SLC6A16: variants seen among roughly 807,000 people sequenced by gnomAD.
SLC6A16 encodes the protein solute carrier family 6 member 16, also known as orphan sodium- and chloride-dependent neurotransmitter transporter NTT5.
A neutral mutation model predicts 65.4 loss-of-function variants in SLC6A16; 54 were observed. The observed-to-expected ratio is 0.83, with a 90% confidence interval of 0.66 to 1.04. The LOEUF (loss-of-function observed/expected upper bound fraction) is 1.04, where lower values mean the gene tolerates loss of function less well. SLC6A16 is among the 50% of genes least tolerant of loss of function. The pLI is 0.00. For synonymous variants in SLC6A16, 330 were observed against 346.5 expected, an observed-to-expected ratio of 0.95 and a Z score of 0.53; for missense variants, 816 against 914.0, an observed-to-expected ratio of 0.89 and a Z score of 1.38.
chr19:49,331,447 G>A, the SLC6A16 span, among the ~76,000 whole-genome samples: 1 of 152,118 alleles, frequency 6.6e-6, no homozygotes, highest in Non-Finnish European at 1.5e-5. Flanking sequence ...CTCCCAAAGT[G>A]CTGGAATTAC....
intron 7 of SLC6A16, among the ~76,000 whole-genome samples, chr19:49,304,292 A>G (rs529581288): frequency 6.6e-6 from 1 of 152,342 alleles, no homozygotes; most frequent in African/African-American, 2.4e-5. Flanking sequence ...AACAACTACA[A>G]AAACTATAAC....
At chr19:49,295,686 T>A (rs1265360727) in intron 7 of SLC6A16, among the ~76,000 whole-genome samples, 1 of 152,220 alleles carries the variant, frequency 6.6e-6, no homozygotes, top group East Asian at 1.9e-4. Context: ...AAAGATACTT[T>A]GTCCCAAAGA....
chr19:49,313,384 C>T (rs1476073084), intron 1 of SLC6A16, among the ~76,000 whole-genome samples: 3 of 151,960 alleles, frequency 2.0e-5, no homozygotes, highest in African/African-American at 4.8e-5. Flanking sequence ...AGGCTGGCCT[C>T]GAACTCCTGT....
chr19:49,290,827 G>T, intron 10 of SLC6A16, 60 bp from the exon 11 acceptor site: 1 of 1,426,042 alleles, frequency 7.0e-7, no homozygotes, highest in African/African-American at 1.4e-5. Context: ...TTGGAGGCAG[G>T]GCCAGCCCAA....
At chr19:49,296,319 C>G (rs1460514767) in intron 7 of SLC6A16, among the ~76,000 whole-genome samples, 1 of 152,078 alleles carries the variant, frequency 6.6e-6, no homozygotes, top group Non-Finnish European at 1.5e-5. Context: ...ACTTGGAGAA[C>G]AAAGATCTAC....
At position 49,319,530 on chromosome 19, in the gene SLC6A16, T is replaced by C. The variant is rs1307632347; in HGVS notation, c.-65+5518A>G. Among the ~76,000 whole-genome samples, 9 of 150,124 alleles carry C rather than the reference T, an allele frequency of 6.0e-5. No individual in the cohort carries two copies. In the East Asian group the frequency reaches 1.6e-3, roughly 26 times the overall value. ...GTATATGTGTATATGTATATACATA[T>C]ACCTATACGATATATACATATACAT... On this transcript the variant is annotated intron_variant, in intron 1 of 11. Coordinates refer to ENST00000335875, the MANE Select transcript of SLC6A16 (RefSeq NM_014037.3).
chr19:49,335,727 T>C, the SLC6A16 span: 13 of 1,613,740 alleles, frequency 8.1e-6, no homozygotes, highest in Non-Finnish European at 7.6e-6. This position sits in a 1 kb window ranked among gnomAD's most constrained non-coding sequence, Gnocchi z 4.6. Flanking sequence ...CTCGGCAGCC[T>C]GATCTTCTGC....
intron 7 of SLC6A16, among the ~76,000 whole-genome samples, chr19:49,306,297 CA>C (rs536974639): frequency 4.8e-4 from 60 of 125,238 alleles, no homozygotes; most frequent in South Asian, 3.1e-3. Flanking sequence ...GAGTCTGTCT[CA>C]AAAAAAAAAA....
At chr19:49,319,402 T>C (rs1308400271) in intron 1 of SLC6A16, among the ~76,000 whole-genome samples, 7 of 144,878 alleles carry the variant, frequency 4.8e-5, no homozygotes, top group Admixed American at 4.1e-4. Context: ...CCTTCATATA[T>C]GTGTGTGTGT....
intron 1 of SLC6A16, among the ~76,000 whole-genome samples, chr19:49,312,934 C>A (rs1406306137): frequency 6.6e-6 from 1 of 151,932 alleles, no homozygotes; most frequent in East Asian, 1.9e-4. Flanking sequence ...AGAAGATGAT[C>A]AGGCCAGGCG....
At chr19:49,300,749 C>T (rs1347120637) in intron 7 of SLC6A16, among the ~76,000 whole-genome samples, 1 of 152,150 alleles carries the variant, frequency 6.6e-6, no homozygotes, top group Non-Finnish European at 1.5e-5. Context: ...TGGCAACTAT[C>T]CTTGAACAAC....
At chr19:49,331,390 C>G in the SLC6A16 span, among the ~76,000 whole-genome samples, 1 of 152,142 alleles carries the variant, frequency 6.6e-6, no homozygotes, top group African/African-American at 2.4e-5. Flanking sequence ...CTATGTTGCC[C>G]AGGCTGGTCT....
chr19:49,290,182 C>T lies in SLC6A16; in HGVS notation c.2152G>A (p.Glu718Lys), dbSNP rs760036326. The change falls in exon 12 of 12, where the codon GAA becomes AAA. Residue 718 changes from glutamate to lysine, a missense_variant. Glu to Lys is a moderately conservative substitution (Grantham distance 56). Transcript: ENST00000335875. The stretch of plus-strand genomic sequence containing the variant: ...GTTTCATCAACTTGTAGAATTTCTT[C>T]CTTTTGAACCTCTTTACTGGGTGTT... ...QLTPSKEVQKEEILQVDETKY... is the reference protein window; with the variant it reads ...QLTPSKEVQKKEILQVDETKY... 1 of 1,614,124 alleles carries T rather than the reference C, an allele frequency of 6.2e-7. No homozygotes were observed. The highest frequency in any genetic ancestry group is 1.7e-5 in the Admixed American group (1 of 60,010).
the SLC6A16 span, chr19:49,339,365 C>T: frequency 1.2e-6 from 2 of 1,614,064 alleles, no homozygotes; most frequent in Non-Finnish European, 1.7e-6. This position sits in a 1 kb window ranked among gnomAD's most constrained non-coding sequence, Gnocchi z 4.5. Flanking sequence ...GGCTGCACAA[C>T]AACCTTATTT....
At chr19:49,326,729 C>T (rs1388133731), upstream of SLC6A16, among the ~76,000 whole-genome samples, 2 of 151,938 alleles carry the variant, frequency 1.3e-5, no homozygotes, top group African/African-American at 2.4e-5. Flanking sequence ...GTATTAAGTG[C>T]TATGACAGGC....
intron 1 of SLC6A16, among the ~76,000 whole-genome samples, chr19:49,321,197 G>A (rs168498): frequency 0.68 from 104,051 of 151,914 alleles, 36,004 homozygotes; most frequent in East Asian, 0.83. Flanking sequence ...GGAATGCAAG[G>A]ATGGTTCTGC....
intron 7 of SLC6A16, among the ~76,000 whole-genome samples, chr19:49,301,062 T>TA (rs977288694): frequency 6.6e-5 from 10 of 151,772 alleles, no homozygotes; most frequent in Admixed American, 2.0e-4. Context: ...AATAAATAAA[T>TA]AAATAAAATA....
chr19:49,319,111 G>C (rs991527887), intron 1 of SLC6A16, among the ~76,000 whole-genome samples: 1 of 150,548 alleles, frequency 6.6e-6, no homozygotes, highest in Non-Finnish European at 1.5e-5. Context: ...ATAAATCAGT[G>C]AACTTAAAGA....
chr19:49,326,040 C>T (rs1970793071), upstream of SLC6A16, among the ~76,000 whole-genome samples: 1 of 151,324 alleles, frequency 6.6e-6, no homozygotes, highest in African/African-American at 2.4e-5. Flanking sequence ...CGTGGTGGCA[C>T]ACACCTGTAA....
Sources: gnomAD v4.1 joint callset for allele counts (sites outside exome capture counted in the v4.1 genomes callset) on GRCh38, gnomAD v4.1.1 for gene constraint, Gnocchi (gnomAD v3.1) non-coding constraint, MANE v1.5 for transcripts, NCBI Gene and HGNC (gene_info 2026-07-23, HGNC 2026-07-21) for gene names.